The following WNT7A variants were observed in gnomAD, a reference collection of about 807,000 sequenced individuals.
WNT7A encodes the protein protein Wnt-7a.
Under a neutral mutation model 28.2 loss-of-function variants are expected in WNT7A, and 16 were observed. The observed-to-expected ratio is 0.57, with a 90% CI of 0.38 to 0.86. The LOEUF is 0.86. WNT7A is among the 40% of genes least tolerant of loss of function. The probability of loss-of-function intolerance (pLI) is 0.00; values close to 1 mark genes in which losing one functional copy is unlikely to be tolerated. For missense variants in WNT7A, 411 were observed against 489.7 expected (o/e 0.84, Z 1.52); for synonymous variants, 190 against 195.9 (o/e 0.97, Z 0.25).
chr3:13,827,566 T>C (rs1694213985), intron 3 of WNT7A, among the ~76,000 whole-genome samples: 1 of 151,982 alleles, frequency 6.6e-6, no homozygotes, highest in Non-Finnish European at 1.5e-5. Flanking sequence ...ATAGATACTA[T>C]CGAATTTGGT....
intron 1 of WNT7A, among the ~76,000 whole-genome samples, chr3:13,877,552 G>T (rs116408986): frequency 0.014 from 2,093 of 152,348 alleles, 32 homozygotes; most frequent in Middle Eastern, 0.048. Context: ...AAATTCATAG[G>T]TGCAATAGAC....
chr3:13,819,057 A>G lies in WNT7A; in HGVS notation c.937T>C (p.Tyr313His), dbSNP rs561275177. Residue 313 changes from tyrosine to histidine, a missense_variant, in exon 4 of 4, where the codon TAC becomes CAC. Physicochemically the swap from Tyr to His is moderately conservative, Grantham distance 83. Coordinates refer to ENST00000285018, the MANE Select transcript of WNT7A (RefSeq NM_004625.4). ...GCDLMCCGRG[Y>H]NTHQYARVWQ... Reference sequence around the variant, plus strand: ...ACGCGGGCGTACTGGTGGGTGTTGTAGCCACGCCCACAGCACATGAGGTCA... The same window carrying G: ...ACGCGGGCGTACTGGTGGGTGTTGTGGCCACGCCCACAGCACATGAGGTCA... 1.9e-5 allele frequency: 30 copies of G among 1,613,910 alleles called. No homozygotes were observed. In the East Asian group the frequency reaches 5.6e-4, roughly 30 times the overall value.
chr3:13,867,684 G>A (rs1694933014), intron 2 of WNT7A, among the ~76,000 whole-genome samples: 1 of 152,106 alleles, frequency 6.6e-6, no homozygotes, highest in African/African-American at 2.4e-5. Flanking sequence ...TCATCCCTAG[G>A]CATTACCTGG....
chr3:13,864,983 G>A (rs1361951686), intron 2 of WNT7A, among the ~76,000 whole-genome samples: 2 of 152,176 alleles, frequency 1.3e-5, no homozygotes, highest in Non-Finnish European at 2.9e-5. Context: ...GTACCCTTGG[G>A]GAAAGATATG....
At chr3:13,840,419 G>T (rs986141252) in intron 3 of WNT7A, among the ~76,000 whole-genome samples, 1 of 152,184 alleles carries the variant, frequency 6.6e-6, no homozygotes, top group Admixed American at 6.5e-5. Context: ...AGTACCAGAC[G>T]CATAAATAGG....
chr3:13,827,032 G>GTAGTTTCTGGGATCCC (rs1421238978), intron 3 of WNT7A, among the ~76,000 whole-genome samples: 2 of 152,326 alleles, frequency 1.3e-5, no homozygotes, highest in East Asian at 3.9e-4. Context: ...CCTGGAGAAG[G>GTAGTTTCTGGGATCCC]TAGTTTCTGG....
intron 2 of WNT7A, among the ~76,000 whole-genome samples, chr3:13,866,196 G>A (rs1322955400): frequency 6.6e-6 from 1 of 152,252 alleles, no homozygotes; most frequent in Non-Finnish European, 1.5e-5. Context: ...CACAGGGACT[G>A]TGCCCTCCAT....
chr3:13,852,799 C>T lies in WNT7A; in HGVS notation c.570+1733G>A, dbSNP rs114889732. ...ATCCCTGTAGCACAAAGGGGCGGGA[C>T]GGGTGTGACTCAGCCCTTTCTCTGC... On this transcript the variant is annotated intron_variant, in intron 3 of 3. Transcript: ENST00000285018. 4.0e-3 allele frequency among the ~76,000 whole-genome samples: 614 copies of T among 152,234 alleles called. 5 individuals are homozygous for T. Among genetic ancestry groups the T allele is most frequent in the African/African-American group, 0.014 (584 of 41,540 alleles).
chr3:13,861,331 T>C (rs1694828319), intron 2 of WNT7A, among the ~76,000 whole-genome samples: 2 of 152,166 alleles, frequency 1.3e-5, no homozygotes, highest in South Asian at 4.1e-4. Flanking sequence ...CCTCAAATCC[T>C]GCCTTCCCCT....
intron 1 of WNT7A, 114 bp from the exon 2 acceptor site, chr3:13,875,287 C>A: frequency 9.4e-7 from 1 of 1,058,842 alleles, no homozygotes; most frequent in Non-Finnish European, 1.4e-6. Context: ...AGTGGTCTCC[C>A]AACTTTTTTG....
At chr3:13,873,254 C>T (rs978011588) in intron 2 of WNT7A, among the ~76,000 whole-genome samples, 14 of 152,006 alleles carry the variant, frequency 9.2e-5, no homozygotes, top group African/African-American at 3.1e-4. Flanking sequence ...CAAAAGTCTA[C>T]ACAACAAAGA....
chr3:13,823,231 G>A (rs780602078), intron 3 of WNT7A, among the ~76,000 whole-genome samples: 2 of 152,162 alleles, frequency 1.3e-5, no homozygotes, highest in Non-Finnish European at 2.9e-5. Flanking sequence ...TGAGCTGCCC[G>A]AGGGGACTTA....
chr3:13,875,447 C>T (rs1695096933), intron 1 of WNT7A, among the ~76,000 whole-genome samples: 2 of 152,106 alleles, frequency 1.3e-5, no homozygotes, highest in Non-Finnish European at 2.9e-5. Flanking sequence ...ATGTCACAAA[C>T]ATTACATGGA....
chr3:13,819,529 T>G, intron 3 of WNT7A, 106 bp from the exon 4 acceptor site: 1 of 1,386,210 alleles, frequency 7.2e-7, no homozygotes. Flanking sequence ...CCTATCTGGG[T>G]CTGGCTTTAG....
At chr3:13,855,222 C>G (rs1405240424) in intron 2 of WNT7A, among the ~76,000 whole-genome samples, 1 of 152,240 alleles carries the variant, frequency 6.6e-6, no homozygotes, top group Non-Finnish European at 1.5e-5. Flanking sequence ...GACACTGGCT[C>G]TGGGGCCAGA....
At chr3:13,829,594 G>T (rs1398276480) in intron 3 of WNT7A, among the ~76,000 whole-genome samples, 1 of 152,156 alleles carries the variant, frequency 6.6e-6, no homozygotes. Flanking sequence ...TCCTGCTTCT[G>T]TCTGTACACT....
chr3:13,869,560 G>A (rs1031480628), intron 2 of WNT7A, among the ~76,000 whole-genome samples: 1 of 144,448 alleles, frequency 6.9e-6, no homozygotes, highest in Non-Finnish European at 1.5e-5. Context: ...AAGAAAAGAA[G>A]GAAGGAATGA....
chr3:13,859,084 C>G (rs892037591), intron 2 of WNT7A, among the ~76,000 whole-genome samples: 1 of 152,228 alleles, frequency 6.6e-6, no homozygotes, highest in African/African-American at 2.4e-5. Flanking sequence ...CGTGAGTGCT[C>G]AGTAAACATC....
In WNT7A at chr3:13,864,803, C is replaced by T. The variant is rs1381176647; in HGVS notation, c.299-10000G>A. 2.6e-5 allele frequency among the ~76,000 whole-genome samples: 4 copies of T among 152,132 alleles called. No homozygotes were observed. The East Asian group carries it at 5.8e-4, about 22-fold the overall frequency. On this transcript the variant is annotated intron_variant, in intron 2 of 3. Transcript: ENST00000285018. Reference sequence around the variant, plus strand: ...GGATATATACTCTTCATTCTATACACTGTGTTGTCGCATATACATTTTACA... The same window carrying T: ...GGATATATACTCTTCATTCTATACATTGTGTTGTCGCATATACATTTTACA...
Sources: allele counts gnomAD v4.1 joint callset (sites outside exome capture counted in the v4.1 genomes callset), GRCh38; gene constraint gnomAD v4.1.1; transcripts MANE v1.5; gene names NCBI Gene and HGNC (gene_info 2026-07-23, HGNC 2026-07-21).